The following ANKS1B variants were observed in gnomAD, a reference collection of about 807,000 sequenced individuals.
The protein encoded by ANKS1B is ankyrin repeat and sterile alpha motif domain-containing protein 1B.
In ANKS1B, 36 loss-of-function variants were observed where a neutral mutation model predicts 148.3. The ratio of observed to expected loss-of-function variants is 0.24; its 90% CI spans 0.19 to 0.32. The LOEUF (loss-of-function observed/expected upper bound fraction) is 0.32. Ranked by LOEUF, ANKS1B falls within the 10% of genes least tolerant of loss-of-function variation. ANKS1B has a pLI of 1.00. For synonymous variants in ANKS1B, 542 were observed against 560.8 expected (o/e 0.97, Z 0.47); for missense variants, 1,157 against 1,542.6 (o/e 0.75, Z 4.19).
At position 99,133,465 on chromosome 12, in the gene ANKS1B, G is replaced by C. The variant is rs75184181; in HGVS notation, c.2526+20824C>G. ...TTCCTTTTAAATAACCTCCCTGTCT[G>C]TGCTTTTCAAGAAGCCTGTGGTGTT... On this transcript the variant is annotated intron_variant, in intron 15 of 26. Transcript: ENST00000683438. 4.0e-3 allele frequency among the ~76,000 whole-genome samples: 613 copies of C among 152,254 alleles called. 22 individuals carry two copies. In the East Asian group the frequency reaches 0.086, roughly 21 times the overall value.
rs1391915330 is a variant in ANKS1B at position 99,488,214 on chromosome 12, CT to C, written c.1438+16261del. Among the ~76,000 whole-genome samples, 3 of 152,130 alleles carry C rather than the reference CT, an allele frequency of 2.0e-5. No homozygotes were observed. The South Asian group carries it at 6.2e-4, about 32-fold the overall frequency. ...TTTTAACCCAATTCTTTCAAACTTT[CT>C]GTGTCACTTTGATTTAGGTTTTACT... On this transcript the variant is annotated intron_variant, in intron 10 of 26. Coordinates refer to ENST00000683438, the MANE Select transcript of ANKS1B (RefSeq NM_001352186.2).
At chr12:98,988,646 T>C (rs2099924828) in intron 17 of ANKS1B, among the ~76,000 whole-genome samples, 2 of 152,176 alleles carry the variant, frequency 1.3e-5, no homozygotes, top group Non-Finnish European at 2.9e-5. Flanking sequence ...GATCACATGG[T>C]ACTTATATTT....
At chr12:99,139,938 C>T (rs565116882) in intron 15 of ANKS1B, among the ~76,000 whole-genome samples, 2 of 152,260 alleles carry the variant, frequency 1.3e-5, no homozygotes, top group East Asian at 3.9e-4. Flanking sequence ...ATAAAAGATG[C>T]AGATTTGAAA....
chr12:99,563,899 C>G (rs965793610), intron 9 of ANKS1B, among the ~76,000 whole-genome samples: 13 of 152,084 alleles, frequency 8.5e-5, no homozygotes, highest in African/African-American at 2.9e-4. Flanking sequence ...TTTAAAATTA[C>G]ATTAATAGCC....
intron 9 of ANKS1B, among the ~76,000 whole-genome samples, chr12:99,552,610 A>G (rs2097232457): frequency 6.6e-6 from 1 of 152,228 alleles, no homozygotes; most frequent in Non-Finnish European, 1.5e-5. Flanking sequence ...AAGTTATATT[A>G]TGGCTGGGAA....
chr12:99,410,106 T>C (rs1440847224), intron 11 of ANKS1B, among the ~76,000 whole-genome samples: 1 of 152,230 alleles, frequency 6.6e-6, no homozygotes, highest in Non-Finnish European at 1.5e-5. Flanking sequence ...AAGCTAAGAA[T>C]GGTTTTCACA....
chr12:99,524,531 C>T (rs940797717), intron 9 of ANKS1B, among the ~76,000 whole-genome samples: 2 of 152,170 alleles, frequency 1.3e-5, no homozygotes, highest in African/African-American at 2.4e-5. Context: ...AGTGATGCAA[C>T]ACGAGGTATC....
chr12:98,894,593 GGCCGCGGAGCGAGGGGGCCGCTGT>G (rs1377993447), intron 17 of ANKS1B: 1 of 985,260 alleles, frequency 1.0e-6, no homozygotes, highest in Non-Finnish European at 1.2e-6. Context: ...GGCGAGCGGG[GGCCGCGGAGCGAGGGGGCCGCTGT>G]GCCGCTACTC....
intron 1 of ANKS1B, among the ~76,000 whole-genome samples, chr12:99,910,551 T>C (rs2093970964): frequency 6.6e-6 from 1 of 151,988 alleles, no homozygotes; most frequent in Admixed American, 6.6e-5. Flanking sequence ...ACTGGGGAGA[T>C]GGGAGGAATG....
In ANKS1B at chr12:99,703,553, C is replaced by T. The variant is rs181004467; in HGVS notation, c.1129-48343G>A. Reference sequence around the variant, plus strand: ...TATCTTTACATATGGTATTTCCACCCCTCCCTCCTTATTCATGTGTCATAA... The same window carrying T: ...TATCTTTACATATGGTATTTCCACCTCTCCCTCCTTATTCATGTGTCATAA... On this transcript the variant is annotated intron_variant, in intron 8 of 26. Transcript: ENST00000683438. 1.2e-3 allele frequency among the ~76,000 whole-genome samples: 185 copies of T among 152,058 alleles called. 3 individuals carry two copies. The highest frequency in any genetic ancestry group is 3.8e-4 in the Non-Finnish European group (26 of 67,988).
chr12:99,686,206 A>T (rs1390424091), intron 8 of ANKS1B, among the ~76,000 whole-genome samples: 1 of 152,188 alleles, frequency 6.6e-6, no homozygotes, highest in African/African-American at 2.4e-5. Flanking sequence ...GAGTTGCTAC[A>T]TGATGAACCA....
intron 12 of ANKS1B, among the ~76,000 whole-genome samples, chr12:99,311,857 G>A (rs1179298721): frequency 1.3e-5 from 2 of 151,946 alleles, no homozygotes; most frequent in Admixed American, 1.3e-4. Flanking sequence ...GTATTGAGGA[G>A]GCTTATATTT....
rs781356871 is a variant in ANKS1B at position 99,775,568 on chromosome 12, G to A, written c.941C>T (p.Ser314Phe). ...QETHISSPVE[S>F]PSQKTKSETV... ...CTCACTTTTGGTCTTTTGGGAAGGA[G>A]ACTCAACAGGAGATGAAATGTGTGT... The change falls in exon 7 of 27, where the codon TCT (serine) becomes TTT (phenylalanine). Residue 314 changes from serine (S) to phenylalanine (F), a missense_variant. Transcript: ENST00000683438. The A allele has an allele frequency of 4.3e-6, 7 of 1,612,984 alleles. No individual in the cohort carries two copies. Among genetic ancestry groups the A allele is most frequent in the East Asian group, 2.2e-5 (1 of 44,846 alleles).
chr12:99,015,925 A>G (rs1375036813), intron 17 of ANKS1B, among the ~76,000 whole-genome samples: 1 of 152,160 alleles, frequency 6.6e-6, no homozygotes, highest in African/African-American at 2.4e-5. Flanking sequence ...ATCTATGGTC[A>G]TTCAGTCTAT....
intron 9 of ANKS1B, among the ~76,000 whole-genome samples, chr12:99,630,744 A>G (rs1385483399): frequency 6.6e-6 from 1 of 152,222 alleles, no homozygotes; most frequent in African/African-American, 2.4e-5. Flanking sequence ...TAACAGGAGC[A>G]AGACTCACTG....
chr12:99,921,157 C>G (rs906814759), intron 1 of ANKS1B, among the ~76,000 whole-genome samples: 1 of 152,086 alleles, frequency 6.6e-6, no homozygotes, highest in Non-Finnish European at 1.5e-5. Context: ...CCCCATGTGT[C>G]GAGGAAGGAC....
intron 19 of ANKS1B, among the ~76,000 whole-genome samples, chr12:98,811,185 A>C (rs777663575): frequency 1.3e-5 from 2 of 152,116 alleles, no homozygotes; most frequent in Non-Finnish European, 2.9e-5. Context: ...CTCTTCTAGG[A>C]TAGAGGGCAG....
chr12:99,709,185 A>T (rs1368919080), intron 8 of ANKS1B, among the ~76,000 whole-genome samples: 1 of 152,112 alleles, frequency 6.6e-6, no homozygotes, highest in Non-Finnish European at 1.5e-5. Context: ...CAAGCTTGTG[A>T]GGGTCAGGAG....
chr12:98,904,339 T>A (rs946355067), intron 17 of ANKS1B, among the ~76,000 whole-genome samples: 3 of 152,134 alleles, frequency 2.0e-5, no homozygotes, highest in African/African-American at 7.2e-5. Context: ...ACAACCTGGA[T>A]GGGAAAGATG....
Sources: allele counts gnomAD v4.1 joint callset (sites outside exome capture counted in the v4.1 genomes callset), GRCh38; gene constraint gnomAD v4.1.1; transcripts MANE v1.5; gene names NCBI Gene and HGNC (gene_info 2026-07-23, HGNC 2026-07-21).